SLC2A13: variants seen among roughly 807,000 people sequenced by gnomAD.
SLC2A13 encodes solute carrier family 2 member 13, also known as proton myo-inositol cotransporter.
A neutral mutation model predicts 64.4 loss-of-function variants in SLC2A13; 32 were observed. That is an observed-to-expected ratio of 0.50 (90% CI 0.37 to 0.67). SLC2A13 has a LOEUF of 0.67. Ranked by LOEUF, SLC2A13 falls within the 30% of genes least tolerant of loss-of-function variation. The pLI is 0.00. For synonymous variants in SLC2A13, 338 were observed against 327.1 expected (o/e 1.03, Z -0.36); for missense variants, 743 against 829.2 (o/e 0.90, Z 1.28).
At chr12:40,038,556 C>T (rs1375600143) in intron 2 of SLC2A13, among the ~76,000 whole-genome samples, 1 of 151,660 alleles carries the variant, frequency 6.6e-6, no homozygotes, top group Non-Finnish European at 1.5e-5. Context: ...ATGGTAAAAC[C>T]CTGTCTCTAC....
At chr12:39,824,458 C>CT (rs1942612393) in intron 7 of SLC2A13, among the ~76,000 whole-genome samples, 1 of 152,214 alleles carries the variant, frequency 6.6e-6, no homozygotes, top group Non-Finnish European at 1.5e-5. Context: ...ATTCTCAGAG[C>CT]TTGGGGGATT....
chr12:40,034,612 T>A (rs192671262), intron 2 of SLC2A13, among the ~76,000 whole-genome samples: 1 of 152,354 alleles, frequency 6.6e-6, no homozygotes, highest in East Asian at 1.9e-4. Flanking sequence ...ACAAATCATG[T>A]CCATGTTAGC....
At chr12:40,032,700 A>G (rs1947923260) in intron 2 of SLC2A13, among the ~76,000 whole-genome samples, 1 of 152,162 alleles carries the variant, frequency 6.6e-6, no homozygotes, top group Non-Finnish European at 1.5e-5. Context: ...ACAACAAACC[A>G]AACAGGTTCT....
intron 2 of SLC2A13, among the ~76,000 whole-genome samples, chr12:40,037,132 A>AT (rs1431422694): frequency 1.3e-5 from 2 of 152,082 alleles, no homozygotes; most frequent in Admixed American, 6.5e-5. Context: ...AGTTTTATTA[A>AT]TTTTTTGTTA....
At chr12:39,830,394 G>T in intron 6 of SLC2A13, 166 bp from the exon 7 acceptor site, 1 of 1,374,700 alleles carries the variant, frequency 7.3e-7, no homozygotes. Context: ...CCAGGTGAGA[G>T]CTGGCTGGTC....
intron 4 of SLC2A13, among the ~76,000 whole-genome samples, chr12:39,943,300 C>G (rs1946075094): frequency 6.6e-6 from 1 of 152,204 alleles, no homozygotes; most frequent in Admixed American, 6.5e-5. Flanking sequence ...AGATTAGCTG[C>G]TCTCTTCAGA....
intron 1 of SLC2A13, among the ~76,000 whole-genome samples, chr12:40,050,015 C>A (rs956257510): frequency 7.9e-5 from 12 of 152,196 alleles, no homozygotes; most frequent in South Asian, 2.1e-4. Context: ...TAAATCATCA[C>A]CTAAGCAGCT....
chr12:40,083,532 T>C (rs912383255), intron 1 of SLC2A13, among the ~76,000 whole-genome samples: 1 of 152,188 alleles, frequency 6.6e-6, no homozygotes, highest in Admixed American at 6.5e-5. Context: ...CATAGTGCTA[T>C]ACTACTGCCA....
chr12:39,812,152 G>C (rs984856611), intron 7 of SLC2A13, among the ~76,000 whole-genome samples: 1 of 152,048 alleles, frequency 6.6e-6, no homozygotes, highest in African/African-American at 2.4e-5. Context: ...GGTGTCTGGT[G>C]AGGGTCTGCT....
chr12:40,067,229 G>T (rs561566807), intron 1 of SLC2A13, among the ~76,000 whole-genome samples: 1 of 152,140 alleles, frequency 6.6e-6, no homozygotes, highest in East Asian at 1.9e-4. Context: ...AAGCAATAGG[G>T]TCCTTCGCTG....
chr12:40,078,145 T>C (rs1938251058), intron 1 of SLC2A13, among the ~76,000 whole-genome samples: 1 of 152,146 alleles, frequency 6.6e-6, no homozygotes. Flanking sequence ...ACTTTTACTT[T>C]TCTCTTGCAT....
chr12:39,838,909 T>C (rs1044125154), intron 6 of SLC2A13, among the ~76,000 whole-genome samples: 16 of 152,098 alleles, frequency 1.1e-4, no homozygotes, highest in Non-Finnish European at 1.8e-4. Flanking sequence ...GTGTTTGATC[T>C]TAAAATGCCT....
Position 39,877,795 on chromosome 12 carries a change from C to T in SLC2A13, c.1035-5834G>A, listed in dbSNP as rs369894329. Among the ~76,000 whole-genome samples the T allele has an allele frequency of 9.9e-5, 15 of 152,230 alleles. No homozygotes were observed. In the South Asian group the frequency reaches 1.7e-3, roughly 17 times the overall value. ...TTATGCAGTAGTTTGAATTTCTTCT[C>T]AAAAAATACATCATATTTTCCATCT... On this transcript the variant is annotated intron_variant, in intron 4 of 9. Transcript: ENST00000280871.
In SLC2A13 at chr12:39,760,053, A is replaced by C. The variant is rs1326832691; in HGVS notation, c.1920T>G (p.Ser640=). The C allele has an allele frequency of 6.2e-7, 1 of 1,612,480 alleles. No individual in the cohort carries two copies. Among genetic ancestry groups the C allele is most frequent in the Non-Finnish European group, 8.5e-7 (1 of 1,179,034 alleles). The change falls in exon 10 of 10, where the codon TCT becomes TCG. Residue 640 remains serine (S), a synonymous_variant. Coordinates refer to ENST00000280871, the MANE Select transcript of SLC2A13 (RefSeq NM_052885.4). The stretch of plus-strand genomic sequence containing the variant: ...ATTCCACATCAGAAGCATCATTGTC[A>C]GAAAGATGATAGTTACTTCCCTTTA... The part of the protein sequence containing the change: ...IRVKGSNYHL[S]DNDASDVE
chr12:39,843,748 GAT>G (rs1943234861), intron 6 of SLC2A13, among the ~76,000 whole-genome samples: 1 of 152,000 alleles, frequency 6.6e-6, no homozygotes, highest in Non-Finnish European at 1.5e-5. Flanking sequence ...TATTACTTTG[GAT>G]ATCTGAGATA....
chr12:40,102,111 A>G (rs375189719), intron 1 of SLC2A13, among the ~76,000 whole-genome samples: 4 of 152,204 alleles, frequency 2.6e-5, no homozygotes, highest in South Asian at 4.1e-4. Flanking sequence ...GAAAGAATCA[A>G]CTGACCACTT....
intron 1 of SLC2A13, among the ~76,000 whole-genome samples, chr12:40,084,362 C>T (rs574869756): frequency 7.2e-5 from 11 of 152,350 alleles, no homozygotes; most frequent in East Asian, 5.8e-4. Flanking sequence ...CACAAAGCCA[C>T]TTTTTAATGC....
intron 1 of SLC2A13, among the ~76,000 whole-genome samples, chr12:40,060,118 T>C (rs1948394954): frequency 6.6e-6 from 1 of 152,080 alleles, no homozygotes; most frequent in Admixed American, 6.6e-5. Flanking sequence ...GATGGATGGA[T>C]GGATGGATGC....
chr12:40,078,678 A>G (rs1938275955), intron 1 of SLC2A13, among the ~76,000 whole-genome samples: 2 of 152,144 alleles, frequency 1.3e-5, no homozygotes, highest in Non-Finnish European at 2.9e-5. Context: ...CCTCTTACTC[A>G]ATATTTTCTA....
Sources: allele counts gnomAD v4.1 joint callset (sites outside exome capture counted in the v4.1 genomes callset), GRCh38; gene constraint gnomAD v4.1.1; transcripts MANE v1.5; gene names NCBI Gene and HGNC (gene_info 2026-07-23, HGNC 2026-07-21).